CCDC198: variants seen among roughly 807,000 people sequenced by gnomAD.
The protein encoded by CCDC198 is factor associated with metabolism and energy.
In CCDC198, 18 loss-of-function variants were observed where a neutral mutation model predicts 35.6. The observed-to-expected ratio is 0.51, with a 90% CI of 0.35 to 0.75. The LOEUF is 0.75. Ranked by LOEUF, CCDC198 falls within the 30% of genes least tolerant of loss-of-function variation. CCDC198 has a pLI of 0.01. For synonymous variants in CCDC198, 119 were observed against 113.4 expected, an observed-to-expected ratio of 1.05 and a Z score of -0.31; for missense variants, 365 against 343.7, an observed-to-expected ratio of 1.06 and a Z score of -0.49.
At chr14:57,492,134 A>G (rs538284888) in intron 1 of CCDC198, among the ~76,000 whole-genome samples, 2 of 152,132 alleles carry the variant, frequency 1.3e-5, no homozygotes, top group East Asian at 3.9e-4. Flanking sequence ...ATTTTCCTCA[A>G]CTGGCATAGG....
intron 5 of CCDC198, among the ~76,000 whole-genome samples, chr14:57,476,642 G>C (rs142609358): frequency 2.3e-4 from 35 of 152,304 alleles, no homozygotes; most frequent in African/African-American, 7.9e-4. Flanking sequence ...TAAAGATGCA[G>C]TAGAAAGCAG....
At chr14:57,471,744 A>ATTTCAAC (rs1284178239) in intron 5 of CCDC198, among the ~76,000 whole-genome samples, 154 bp from the exon 6 acceptor site, 3 of 147,446 alleles carry the variant, frequency 2.0e-5, no homozygotes, top group African/African-American at 7.4e-5. Flanking sequence ...ATATATATAT[A>ATTTCAAC]CATTTCAACT....
At chr14:57,476,889 A>G (rs2067015823) in intron 5 of CCDC198, among the ~76,000 whole-genome samples, 2 of 152,250 alleles carry the variant, frequency 1.3e-5, no homozygotes, top group African/African-American at 4.8e-5. Flanking sequence ...AGGCGTGGAA[A>G]GAAATCAAAG....
intron 2 of CCDC198, 170 bp downstream of exon 2, chr14:57,490,819 G>A (rs1284153732): frequency 1.5e-6 from 1 of 658,994 alleles, no homozygotes; most frequent in East Asian, 3.1e-5. Flanking sequence ...CATTGCTAAA[G>A]GAAATCTTAA....
intron 2 of CCDC198, among the ~76,000 whole-genome samples, chr14:57,483,460 C>A (rs1212725582): frequency 6.6e-6 from 1 of 152,128 alleles, no homozygotes; most frequent in South Asian, 2.1e-4. Context: ...ATCAAACCAC[C>A]AGGATCTTAG....
At chr14:57,475,494 G>A in intron 5 of CCDC198, 1 of 1,162,582 alleles carries the variant, frequency 8.6e-7, no homozygotes, top group South Asian at 1.4e-5. Flanking sequence ...GGATCATGAG[G>A]TCAGGAGTTC....
chr14:57,472,430 T>G (rs1408764893), intron 5 of CCDC198, among the ~76,000 whole-genome samples: 8 of 152,230 alleles, frequency 5.3e-5, no homozygotes, highest in Non-Finnish European at 5.9e-5. Context: ...CCTTATTATT[T>G]CCTTGTTATT....
chr14:57,480,538 T>C, intron 5 of CCDC198, 57 bp downstream of exon 5: 1 of 1,579,796 alleles, frequency 6.3e-7, no homozygotes, highest in Non-Finnish European at 8.7e-7. Flanking sequence ...GGTAGTTTAT[T>C]TGATGAAGTT....
At chr14:57,491,277 G>A (rs1219937500) in intron 1 of CCDC198, among the ~76,000 whole-genome samples, 4 of 152,004 alleles carry the variant, frequency 2.6e-5, no homozygotes, top group Non-Finnish European at 5.9e-5. Flanking sequence ...TCTGGACCCA[G>A]GATTTAATAT....
At chr14:57,488,496 A>ATTTATTCATTCAT (rs1466746009) in intron 2 of CCDC198, among the ~76,000 whole-genome samples, 1 of 152,080 alleles carries the variant, frequency 6.6e-6, no homozygotes, top group African/African-American at 2.4e-5. Flanking sequence ...ACTGTCATTC[A>ATTTATTCATTCAT]TTTACTCATT....
chr14:57,471,169 T>G lies in CCDC198; in HGVS notation c.*186A>C. On this transcript the variant is annotated 3_prime_UTR_variant, in exon 6 of 6. Coordinates refer to ENST00000216445, the MANE Select transcript of CCDC198 (RefSeq NM_018168.4). ...TGGTTAGCCCCTGTGTTTTGAGGCATTTAGTTATGCAGCAATAGTTAACAG... is the reference window on the plus strand; with the variant it reads ...TGGTTAGCCCCTGTGTTTTGAGGCAGTTAGTTATGCAGCAATAGTTAACAG... 1 of 520,568 alleles carries G rather than the reference T, an allele frequency of 1.9e-6. No homozygotes were observed. Among genetic ancestry groups the G allele is most frequent in the Non-Finnish European group, 3.4e-6 (1 of 297,392 alleles). 32.2% of individuals were successfully genotyped at this position (520,568 alleles called of 1,614,324 possible). A position where few individuals can be genotyped will look rare whatever the true frequency, so the allele number is the denominator to read the frequency against.
At position 57,486,473 on chromosome 14, in the gene CCDC198, T is replaced by TA. The variant is rs778691287; in HGVS notation, c.307-3323dup. ...GCTTATCATCAGACTTTTCCGGGAT[T>TA]AAAAAAAAAAAAAGAAATTCTTGGC... On this transcript the variant is annotated intron_variant, in intron 2 of 5. Coordinates refer to ENST00000216445, the MANE Select transcript of CCDC198 (RefSeq NM_018168.4). Among the ~76,000 whole-genome samples the TA allele has an allele frequency of 2.8e-3, 400 of 144,126 alleles. 4 individuals carry two copies. The highest frequency in any genetic ancestry group is 0.014 in the South Asian group (65 of 4,516). The allele number at this position is 144,126 out of a possible 152,430, so 94.6% of individuals were successfully genotyped here.
chr14:57,490,695 G>T (rs1223648093), intron 2 of CCDC198, among the ~76,000 whole-genome samples: 1 of 152,114 alleles, frequency 6.6e-6, no homozygotes, highest in Non-Finnish European at 1.5e-5. Context: ...TTTATTACAA[G>T]TTGTTTTCCC....
intron 5 of CCDC198, chr14:57,475,403 G>C (rs1429798120): frequency 9.4e-7 from 1 of 1,061,270 alleles, no homozygotes; most frequent in East Asian, 1.0e-4. Context: ...TGGATTCAAA[G>C]TGACACATCC....
In CCDC198 at chr14:57,493,770, T is replaced by A; in HGVS notation, c.-55A>T. The A allele has an allele frequency of 7.6e-7, 1 of 1,307,430 alleles. No individual in the cohort carries two copies. The highest frequency in any genetic ancestry group is 1.1e-6 in the Non-Finnish European group (1 of 930,140). 81.0% of individuals were successfully genotyped at this position (1,307,430 alleles called of 1,614,324 possible). ...GCGAGGGAAGTGGTTTTGGGGTCTT[T>A]AATATAGCTTATTTTAATCAAAGCA... is the stretch of plus-strand genomic sequence containing the variant. On this transcript the variant is annotated 5_prime_UTR_variant, in exon 1 of 6. Transcript: ENST00000216445.
intron 2 of CCDC198, among the ~76,000 whole-genome samples, chr14:57,490,112 C>T (rs1330148126): frequency 1.3e-5 from 2 of 152,090 alleles, no homozygotes; most frequent in Non-Finnish European, 2.9e-5. Context: ...TAATCCCCAA[C>T]AAATGAGCTC....
intron 5 of CCDC198, among the ~76,000 whole-genome samples, chr14:57,472,913 C>T (rs963625261): frequency 6.6e-6 from 1 of 152,300 alleles, no homozygotes; most frequent in East Asian, 1.9e-4. Flanking sequence ...CTGGTTGAAA[C>T]GACCATAACT....
intron 5 of CCDC198, chr14:57,478,725 G>A: frequency 9.5e-7 from 1 of 1,052,048 alleles, no homozygotes; most frequent in East Asian, 7.3e-5. Context: ...TGACTACAAA[G>A]GATATTTCAT....
chr14:57,471,464 G>A lies in CCDC198; in HGVS notation c.782C>T (p.Ser261Phe). 2 of 1,613,948 alleles carry A rather than the reference G, an allele frequency of 1.2e-6. No homozygotes were observed. Residue 261 changes from serine (S) to phenylalanine (F), a missense_variant, in exon 6 of 6, where the codon TCC (serine) becomes TTC (phenylalanine). Transcript: ENST00000216445. The stretch of plus-strand genomic sequence containing the variant: ...CCCCTGCTCATCTGAGTCAGAGCTG[G>A]AACTGTCCCAGAGAAGCTGTCCCTG... ...EAQGQLLWDS[S>F]SSDSDEQGKD...
Sources: gnomAD v4.1 joint callset for allele counts (sites outside exome capture counted in the v4.1 genomes callset) on GRCh38, gnomAD v4.1.1 for gene constraint, MANE v1.5 for transcripts, NCBI Gene and HGNC (gene_info 2026-07-23, HGNC 2026-07-21) for gene names.